Variants in BCKDHB observed in about 807,000 individuals in gnomAD.
BCKDHB encodes the protein 2-oxoisovalerate dehydrogenase subunit beta, mitochondrial.
In BCKDHB, 41 loss-of-function variants were observed where a neutral mutation model predicts 48.5. The observed-to-expected ratio is 0.85, with a 90% CI of 0.66 to 1.10. The LOEUF is 1.10. BCKDHB is among the 50% of genes least tolerant of loss of function. The pLI is 0.00. For missense variants in BCKDHB, 496 were observed against 494.2 expected (o/e 1.00, Z -0.03); for synonymous variants, 201 against 174.8 (o/e 1.15, Z -1.18).
At chr6:80,453,771 G>T in the BCKDHB span, among the ~76,000 whole-genome samples, 2 of 152,126 alleles carry the variant, frequency 1.3e-5, no homozygotes, top group African/African-American at 2.4e-5. Context: ...TTCCCAAAGT[G>T]CTGAGGATTA....
chr6:80,322,896 C>CTTT (rs34177726), intron 9 of BCKDHB, among the ~76,000 whole-genome samples: 12 of 115,564 alleles, frequency 1.0e-4, no homozygotes, highest in African/African-American at 3.5e-4. Flanking sequence ...TTTCTTTTTT[C>CTTT]TTTTTTTTTT....
chr6:80,170,434 A>G (rs1311174632), intron 5 of BCKDHB, among the ~76,000 whole-genome samples: 1 of 152,174 alleles, frequency 6.6e-6, no homozygotes, highest in Non-Finnish European at 1.5e-5. Context: ...AGTCAACATT[A>G]GATAGAAGTT....
chr6:80,372,770 A>G, the BCKDHB span, among the ~76,000 whole-genome samples: 1 of 152,116 alleles, frequency 6.6e-6, no homozygotes, highest in African/African-American at 2.4e-5. Context: ...TGAGTATGTT[A>G]AACAATCCCT....
chr6:80,410,880 G>T, the BCKDHB span, among the ~76,000 whole-genome samples: 1 of 152,096 alleles, frequency 6.6e-6, no homozygotes, highest in East Asian at 1.9e-4. Flanking sequence ...CCTTGCAATG[G>T]GTTTAGAACA....
intron 8 of BCKDHB, among the ~76,000 whole-genome samples, chr6:80,237,664 T>A (rs1437127138): frequency 6.6e-6 from 1 of 152,204 alleles, no homozygotes; most frequent in African/African-American, 2.4e-5. Flanking sequence ...CATGTTCACA[T>A]TAACCAGTAA....
chr6:80,216,408 A>G (rs1316594417), intron 8 of BCKDHB, among the ~76,000 whole-genome samples: 3 of 152,214 alleles, frequency 2.0e-5, no homozygotes, highest in East Asian at 3.8e-4. Context: ...TGTGACCTGT[A>G]TACACCTTGT....
chr6:80,315,422 T>G (rs1768391241), intron 9 of BCKDHB, among the ~76,000 whole-genome samples: 1 of 152,120 alleles, frequency 6.6e-6, no homozygotes, highest in Admixed American at 6.6e-5. Context: ...GGCCATCACC[T>G]CACCATACTT....
the BCKDHB span, among the ~76,000 whole-genome samples, chr6:80,393,595 A>T: frequency 0.11 from 16,163 of 152,240 alleles, 2,456 homozygotes; most frequent in African/African-American, 0.33. Context: ...ACAGTTGTTT[A>T]TAAGTTATCC....
At chr6:80,286,905 A>G (rs953193569) in intron 9 of BCKDHB, among the ~76,000 whole-genome samples, 2 of 152,144 alleles carry the variant, frequency 1.3e-5, no homozygotes, top group African/African-American at 4.8e-5. Context: ...TTACATTTGC[A>G]TTGTTGTTCA....
chr6:80,285,532 C>G lies in BCKDHB; in HGVS notation c.1038+12311C>G, dbSNP rs547980181. On this transcript the variant is annotated intron_variant, in intron 9 of 9. Coordinates refer to ENST00000320393, the MANE Select transcript of BCKDHB (RefSeq NM_183050.4). ...AAGCATGGATACTCTTATATCTGTT[C>G]AGAGAACCACAGTATCTTTTCTCCT... 5.9e-4 allele frequency among the ~76,000 whole-genome samples: 89 copies of G among 152,112 alleles called. 1 individual carries two copies. In the South Asian group the frequency reaches 0.018, roughly 31 times the overall value.
chr6:80,127,656 C>G lies in BCKDHB; in HGVS notation c.274+32C>G, dbSNP rs769155158. The stretch of plus-strand genomic sequence containing the variant: ...CTGATATGTGCCTGAATTGTGGTAG[C>G]TGTGTTAATTCCAGAATTGAAGATT... On this transcript the variant is annotated intron_variant, in intron 2 of 9. Transcript: ENST00000320393. The G allele has an allele frequency of 3.2e-6, 5 of 1,552,214 alleles. No individual in the cohort carries two copies. In the African/African-American group the frequency reaches 4.1e-5, roughly 13 times the overall value.
At chr6:80,253,718 G>GC (rs1776930816) in intron 8 of BCKDHB, among the ~76,000 whole-genome samples, 2 of 151,874 alleles carry the variant, frequency 1.3e-5, no homozygotes, top group African/African-American at 2.4e-5. Flanking sequence ...GAGATCTTTT[G>GC]CCCCCCAAAG....
At chr6:80,226,259 A>G (rs1775670762) in intron 8 of BCKDHB, among the ~76,000 whole-genome samples, 1 of 152,238 alleles carries the variant, frequency 6.6e-6, no homozygotes, top group Admixed American at 6.5e-5. Context: ...GTCCAGTAAT[A>G]CATTCCATAT....
At chr6:80,212,666 G>A (rs953331625) in intron 8 of BCKDHB, among the ~76,000 whole-genome samples, 1 of 152,150 alleles carries the variant, frequency 6.6e-6, no homozygotes, top group Non-Finnish European at 1.5e-5. Flanking sequence ...GTAAAGACAG[G>A]TGTAAGAAAT....
chr6:80,306,888 C>T (rs534557594), intron 9 of BCKDHB, among the ~76,000 whole-genome samples: 2 of 152,242 alleles, frequency 1.3e-5, no homozygotes, highest in South Asian at 4.1e-4. Context: ...TACCTGGTAA[C>T]TGAAAGCAAG....
At chr6:80,107,035 G>A (rs1223737674) in intron 1 of BCKDHB, 146 bp downstream of exon 1, 1 of 1,057,976 alleles carries the variant, frequency 9.5e-7, no homozygotes, top group East Asian at 2.6e-5. Flanking sequence ...CTTGCCTCAG[G>A]GTCTAACTGT....
intron 1 of BCKDHB, among the ~76,000 whole-genome samples, chr6:80,115,278 G>A (rs919724523): frequency 3.3e-5 from 5 of 152,288 alleles, no homozygotes; most frequent in African/African-American, 1.2e-4. Flanking sequence ...CTCTTGAGTA[G>A]TTGGGACTAT....
chr6:80,285,534 G>A (rs1766586552), intron 9 of BCKDHB, among the ~76,000 whole-genome samples: 2 of 152,108 alleles, frequency 1.3e-5, no homozygotes, highest in Non-Finnish European at 2.9e-5. Context: ...TATCTGTTCA[G>A]AGAACCACAG....
At chr6:80,200,821 G>T in intron 6 of BCKDHB, 113 bp from the exon 7 acceptor site, 2 of 858,232 alleles carry the variant, frequency 2.3e-6, no homozygotes, top group Non-Finnish European at 3.7e-6. Context: ...ACAGAATTTA[G>T]AGAAACAAAA....
Sources: gnomAD v4.1 joint callset for allele counts (sites outside exome capture counted in the v4.1 genomes callset) on GRCh38, gnomAD v4.1.1 for gene constraint, MANE v1.5 for transcripts, NCBI Gene and HGNC (gene_info 2026-07-23, HGNC 2026-07-21) for gene names.